The following DST variants were observed in gnomAD, a reference collection of about 807,000 sequenced individuals.
DST encodes bullous pemphigoid antigen.
DST carries 253 observed loss-of-function variants against 875.2 expected under a neutral mutation model. The ratio of observed to expected loss-of-function variants is 0.29; its 90% CI spans 0.26 to 0.32. The LOEUF (loss-of-function observed/expected upper bound fraction) is 0.32. Among genes scored for constraint, DST ranks in the 10% least tolerant of loss-of-function variants. The pLI, the probability that DST is intolerant of heterozygous loss-of-function variation, is 1.00. For synonymous variants in DST, 3,124 were observed against 3,197.1 expected, an observed-to-expected ratio of 0.98 and a Z score of 0.77; for missense variants, 8,287 against 9,111.6, an observed-to-expected ratio of 0.91 and a Z score of 3.68.
chr6:56,470,193 C>T lies in DST; in HGVS notation c.22411G>A (p.Ala7471Thr). ...DGYIDYYEFV[A>T]ALHPNKDAYK... ...GCATCTTTATTTGGGTGAAGGGCTG[C>T]TACAAATTCATAGTAGTCAATATAT... Residue 7471 changes from alanine to threonine, a missense_variant, in exon 96 of 104, where the codon GCA becomes ACA. Physicochemically the swap from Ala to Thr is moderately conservative, Grantham distance 58. Coordinates refer to ENST00000680361, the MANE Select transcript of DST (RefSeq NM_001374736.1). 1.2e-6 allele frequency: 2 copies of T among 1,612,320 alleles called. No individual in the cohort carries two copies. The highest frequency in any genetic ancestry group is 1.7e-6 in the Non-Finnish European group (2 of 1,179,094).
chr6:56,745,896 T>C (rs938661991), intron 4 of DST, among the ~76,000 whole-genome samples: 3 of 152,202 alleles, frequency 2.0e-5, no homozygotes, highest in Non-Finnish European at 4.4e-5. Flanking sequence ...TGGCACAAAT[T>C]TGTAAGAATG....
At chr6:56,685,771 T>TA (rs1056953646) in intron 9 of DST, among the ~76,000 whole-genome samples, 3 of 151,496 alleles carry the variant, frequency 2.0e-5, no homozygotes, top group Non-Finnish European at 4.4e-5. Context: ...AAATCAAAAT[T>TA]AAAAAAAATT....
intron 37 of DST, among the ~76,000 whole-genome samples, chr6:56,613,792 G>A (rs1238350508): frequency 2.6e-5 from 4 of 152,130 alleles, no homozygotes; most frequent in African/African-American, 7.2e-5. Flanking sequence ...AAGATAGCCC[G>A]TTAAGACTAA....
chr6:56,734,229 G>A (rs1340710978), intron 5 of DST, among the ~76,000 whole-genome samples: 1 of 152,216 alleles, frequency 6.6e-6, no homozygotes, highest in Non-Finnish European at 1.5e-5. Flanking sequence ...TGCCCTCCCT[G>A]AGGGATATTA....
intron 2 of DST, among the ~76,000 whole-genome samples, chr6:56,921,146 G>T (rs1386913499): frequency 6.6e-6 from 1 of 152,012 alleles, no homozygotes; most frequent in Admixed American, 6.5e-5. Context: ...AACAGAAAGA[G>T]CGTTTCAAAA....
In DST at chr6:56,601,607, T is replaced by C. The variant is rs1356783524; in HGVS notation, c.11377A>G (p.Ile3793Val). The change falls in exon 44 of 104, where the codon ATT becomes GTT. Residue 3793 changes from isoleucine (I) to valine (V), a missense_variant. Ile to Val is a conservative substitution (Grantham distance 29). This residue lies in a region of DST where 3,138 missense variants were observed against 3,116.6 expected (regional missense o/e 1.01). Transcript: ENST00000680361. Reference protein sequence around the residue: ...ETTAFDVQFFISEYAQDLSPN... With the variant: ...ETTAFDVQFFVSEYAQDLSPN... ...GACAGATCCTGTGCATATTCAGAAA[T>C]GAAGAACTGCACATCAAAGGCAGTA... The C allele has an allele frequency of 2.5e-6, 4 of 1,601,086 alleles. No individual in the cohort carries two copies. The African/African-American group carries it at 5.4e-5, about 21-fold the overall frequency.
At chr6:56,823,910 AATT>A (rs2099776058) in intron 4 of DST, among the ~76,000 whole-genome samples, 1 of 152,178 alleles carries the variant, frequency 6.6e-6, no homozygotes. Context: ...TAGAAAAAAT[AATT>A]ATTGAGTATT....
rs41271864 is a variant in DST at position 56,511,293 on chromosome 6, C to T, written c.18684G>A (p.Glu6228=). The change falls in exon 73 of 104, where the codon GAG becomes GAA. Residue 6228 remains glutamate, a synonymous_variant. Coordinates refer to ENST00000680361, the MANE Select transcript of DST (RefSeq NM_001374736.1). The part of the protein sequence containing the change: ...LSPGEGFSIQ[E]KYVAADTLYS... ...AAAGGGTGTCGGCTGCCACATACTTCTCTTGGATAGAAAAGCCTTCCCCAG... is the reference window on the plus strand; with the variant it reads ...AAAGGGTGTCGGCTGCCACATACTTTTCTTGGATAGAAAAGCCTTCCCCAG... The T allele has an allele frequency of 0.044, 69,873 of 1,604,836 alleles. 1,767 individuals are homozygous for T. Among genetic ancestry groups the T allele is most frequent in the Non-Finnish European group, 0.05 (59,019 of 1,175,124 alleles).
rs1346272366 is a variant in DST, at chr6:56,932,872, G to C, written c.216+20913C>G. 2.0e-5 allele frequency among the ~76,000 whole-genome samples: 3 copies of C among 150,564 alleles called. No individual in the cohort carries two copies. The East Asian group carries it at 5.8e-4, about 29-fold the overall frequency. On this transcript the variant is annotated intron_variant, in intron 2 of 103. Transcript: ENST00000680361. Reference sequence around the variant, plus strand: ...CTGAGTTCCTTCAAGGGAATTTCCAGGTACCTAGGTCTCCCTGAGAAATAA... The same window carrying C: ...CTGAGTTCCTTCAAGGGAATTTCCACGTACCTAGGTCTCCCTGAGAAATAA...
At chr6:56,780,060 A>C (rs374038741) in intron 4 of DST, among the ~76,000 whole-genome samples, 6 of 151,536 alleles carry the variant, frequency 4.0e-5, no homozygotes, top group Admixed American at 6.6e-5. Context: ...TGAACTCATC[A>C]TTTTTTATGG....
chr6:56,840,725 T>A (rs1399727802), intron 4 of DST, among the ~76,000 whole-genome samples: 2 of 152,218 alleles, frequency 1.3e-5, no homozygotes, highest in Non-Finnish European at 2.9e-5. Flanking sequence ...AGAGTCTGAT[T>A]TGAACTCCTC....
At chr6:56,560,189 T>C (rs2097514570) in intron 58 of DST, 105 bp downstream of exon 58, 9 of 1,157,746 alleles carry the variant, frequency 7.8e-6, no homozygotes, top group Non-Finnish European at 9.3e-6. Context: ...TTAAAGCAAA[T>C]CCAAAAATAA....
At chr6:56,497,817 A>C (rs1411635732) in intron 81 of DST, 39 bp downstream of exon 81, 1 of 1,527,166 alleles carries the variant, frequency 6.5e-7, no homozygotes, top group Non-Finnish European at 8.8e-7. Flanking sequence ...TTTGGTCTTG[A>C]ATGCTATAAA....
intron 2 of DST, among the ~76,000 whole-genome samples, chr6:56,949,280 T>C (rs1250087381): frequency 6.6e-6 from 1 of 152,246 alleles, no homozygotes; most frequent in African/African-American, 2.4e-5. Context: ...TTTTGTGTTT[T>C]GTCACCATGT....
chr6:56,812,109 A>AAAAG (rs1554158456), intron 4 of DST, among the ~76,000 whole-genome samples: 1 of 111,824 alleles, frequency 8.9e-6, no homozygotes. Context: ...CTCAAAAAAA[A>AAAAG]AAAAGAAAAG....
At chr6:56,936,736 G>A (rs1230781968) in intron 2 of DST, among the ~76,000 whole-genome samples, 12 of 151,944 alleles carry the variant, frequency 7.9e-5, no homozygotes, top group Admixed American at 1.3e-4. Context: ...AAGGGAATCC[G>A]AAAGTACTAT....
chr6:56,514,028 T>C (rs1385115981), intron 72 of DST, among the ~76,000 whole-genome samples: 1 of 152,214 alleles, frequency 6.6e-6, no homozygotes, highest in Non-Finnish European at 1.5e-5. Context: ...GTTTAAACAA[T>C]TTGAAGATGT....
In DST at chr6:56,459,273, G is replaced by A. The variant is rs559604901; in HGVS notation, c.23195-6C>T. On this transcript the variant is annotated splice_polypyrimidine_tract_variant and splice_region_variant and intron_variant, in intron 103 of 103. Coordinates refer to ENST00000680361, the MANE Select transcript of DST (RefSeq NM_001374736.1). ...GCTGGGAGTCTTCTTGGAATCTGAG[G>A]AAAGAAGGTAGAGACAGCTCACCCT... 7.9e-5 allele frequency: 127 copies of A among 1,610,890 alleles called. No individual in the cohort carries two copies. The South Asian group carries it at 1.3e-3, about 17-fold the overall frequency.
intron 10 of DST, among the ~76,000 whole-genome samples, chr6:56,656,745 T>C (rs1446539868): frequency 1.3e-5 from 2 of 152,152 alleles, no homozygotes; most frequent in African/African-American, 4.8e-5. Context: ...TAACACCCCA[T>C]ATGAAGCTGA....
Sources: allele counts gnomAD v4.1 joint callset (sites outside exome capture counted in the v4.1 genomes callset), GRCh38; gene constraint gnomAD v4.1.1; regional missense constraint gnomAD v4.1.1; transcripts MANE v1.5; gene names NCBI Gene and HGNC (gene_info 2026-07-23, HGNC 2026-07-21).